ANKH: variants seen among roughly 807,000 people sequenced by gnomAD.
ANKH encodes the protein mineralization regulator ANKH.
ANKH carries 15 observed loss-of-function variants against 49.0 expected under a neutral mutation model. The observed-to-expected ratio is 0.31, with a 90% CI of 0.20 to 0.47. The LOEUF (loss-of-function observed/expected upper bound fraction) is 0.47. Ranked by LOEUF, ANKH falls within the 20% of genes least tolerant of loss-of-function variation. The pLI, the probability that ANKH is intolerant of heterozygous loss-of-function variation, is 1.00. For missense variants in ANKH, 429 were observed against 652.0 expected (o/e 0.66, Z 3.72); for synonymous variants, 273 against 260.0 (o/e 1.05, Z -0.48).
chr5:14,853,658 T>C (rs958728350), intron 1 of ANKH, among the ~76,000 whole-genome samples: 1 of 151,852 alleles, frequency 6.6e-6, no homozygotes, highest in Non-Finnish European at 1.5e-5. Flanking sequence ...GATGTGTGGG[T>C]TTTTTTTGTT....
At chr5:14,731,789 A>G (rs1462073017) in intron 8 of ANKH, among the ~76,000 whole-genome samples, 1 of 152,230 alleles carries the variant, frequency 6.6e-6, no homozygotes, top group Admixed American at 6.5e-5. Context: ...AAGCAGGTAT[A>G]GCCTTAGGCT....
intron 1 of ANKH, among the ~76,000 whole-genome samples, chr5:14,809,643 G>C (rs1213686300): frequency 1.3e-5 from 2 of 152,138 alleles, no homozygotes; most frequent in Middle Eastern, 3.2e-3. Flanking sequence ...ACTGTTCATG[G>C]GATGAAATGA....
At chr5:14,847,156 T>C (rs963131035) in intron 1 of ANKH, among the ~76,000 whole-genome samples, 1 of 152,134 alleles carries the variant, frequency 6.6e-6, no homozygotes, top group African/African-American at 2.4e-5. Flanking sequence ...AAAGACACAG[T>C]GGCTGGTTAA....
intron 1 of ANKH, among the ~76,000 whole-genome samples, chr5:14,801,691 C>G (rs1046456391): frequency 9.8e-5 from 15 of 152,322 alleles, no homozygotes; most frequent in Admixed American, 5.9e-4. Context: ...GACATCACCT[C>G]TACTGTGACA....
intron 4 of ANKH, 67 bp from the exon 5 acceptor site, chr5:14,751,306 GGCACGCT>G: frequency 6.6e-7 from 1 of 1,525,298 alleles, no homozygotes; most frequent in South Asian, 1.1e-5. Context: ...GAAGCACAGG[GGCACGCT>G]CTTGAACCTG....
At chr5:14,749,918 C>G (rs536572363) in intron 5 of ANKH, among the ~76,000 whole-genome samples, 135 of 152,320 alleles carry the variant, frequency 8.9e-4, no homozygotes, top group Admixed American at 2.0e-3. Context: ...TAAAGCCTGG[C>G]TTTCATTATG....
intron 1 of ANKH, among the ~76,000 whole-genome samples, chr5:14,839,508 T>TAA (rs56407443): frequency 8.0e-4 from 113 of 141,378 alleles, no homozygotes; most frequent in South Asian, 4.3e-3. Context: ...TCTTATCAGT[T>TAA]AAAAAAAAAA....
intron 1 of ANKH, among the ~76,000 whole-genome samples, chr5:14,833,117 T>C (rs1741550375): frequency 6.6e-6 from 1 of 152,232 alleles, no homozygotes; most frequent in Non-Finnish European, 1.5e-5. Context: ...AGAACCACTC[T>C]AGGCATGATG....
intron 8 of ANKH, 53 bp downstream of exon 8, chr5:14,741,774 C>T (rs966889573): frequency 1.4e-6 from 2 of 1,379,482 alleles, no homozygotes; most frequent in East Asian, 4.6e-5. Context: ...AGCAACTTGC[C>T]CCTTTACAAA....
At chr5:14,806,816 T>C (rs1740722206) in intron 1 of ANKH, among the ~76,000 whole-genome samples, 2 of 152,262 alleles carry the variant, frequency 1.3e-5, no homozygotes, top group African/African-American at 4.8e-5. Flanking sequence ...CTGATGCCTA[T>C]GCAGTCACAA....
chr5:14,740,494 T>C (rs942958052), intron 8 of ANKH, among the ~76,000 whole-genome samples: 8 of 152,054 alleles, frequency 5.3e-5, no homozygotes, highest in African/African-American at 1.9e-4. Flanking sequence ...AGTGAGGCAG[T>C]GCTGGAATAG....
At chr5:14,718,590 G>C (rs1737560816) in intron 8 of ANKH, among the ~76,000 whole-genome samples, 1 of 152,022 alleles carries the variant, frequency 6.6e-6, no homozygotes, top group African/African-American at 2.4e-5. Flanking sequence ...GCGGGCGGAT[G>C]ACCTGATGTC....
At chr5:14,815,728 T>C (rs1741015176) in intron 1 of ANKH, among the ~76,000 whole-genome samples, 1 of 152,124 alleles carries the variant, frequency 6.6e-6, no homozygotes, top group South Asian at 2.1e-4. Context: ...AATGTATACA[T>C]ACAAAGACAG....
intron 1 of ANKH, among the ~76,000 whole-genome samples, chr5:14,789,801 C>T (rs1740104031): frequency 6.6e-6 from 1 of 152,150 alleles, no homozygotes; most frequent in African/African-American, 2.4e-5. Context: ...ACCTCCGATT[C>T]CCGGGCTCAA....
chr5:14,759,256 T>C (rs1400697214), intron 2 of ANKH, among the ~76,000 whole-genome samples: 1 of 152,150 alleles, frequency 6.6e-6, no homozygotes, highest in Non-Finnish European at 1.5e-5. Flanking sequence ...CCTTCCAATA[T>C]CAGAATTTGT....
Position 14,749,045 on chromosome 5 carries a change from T to C in ANKH, c.822+127A>G, listed in dbSNP as rs1264635282. The C allele has an allele frequency of 3.0e-6, 4 of 1,346,108 alleles. No individual in the cohort carries two copies. The East Asian group carries it at 9.4e-5, about 32-fold the overall frequency. 83.4% of individuals were successfully genotyped at this position (1,346,108 alleles called of 1,614,324 possible). ...GAACGAGATCTTTATGGCTTCCTAG[T>C]GTGACTGTCATGTAATTTAATATTG... On this transcript the variant is annotated intron_variant, in intron 6 of 11. Coordinates refer to ENST00000284268, the MANE Select transcript of ANKH (RefSeq NM_054027.6).
At chr5:14,795,357 T>C (rs78306524) in intron 1 of ANKH, among the ~76,000 whole-genome samples, 6,641 of 152,164 alleles carry the variant, frequency 0.044, 261 homozygotes, top group African/African-American at 0.097. Context: ...GGAAAAAAAA[T>C]AGATGCAGCT....
At position 14,768,982 on chromosome 5, in the gene ANKH, T is replaced by C. The variant is rs762864512; in HGVS notation, c.306A>G (p.Thr102=). The C allele has an allele frequency of 1.2e-6, 2 of 1,614,062 alleles. No homozygotes were observed. Among genetic ancestry groups the C allele is most frequent in the African/African-American group, 2.7e-5 (2 of 74,922 alleles). The change falls in exon 2 of 12, where the codon ACA becomes ACG. Residue 102 remains threonine, a synonymous_variant. Coordinates refer to ENST00000284268, the MANE Select transcript of ANKH (RefSeq NM_054027.6). Reference sequence around the variant, plus strand: ...GGCGGTCGGCGGCCTCACCTATCAGTGTGTGAAAGACGGCAGCGATGGCCC... The same window carrying C: ...GGCGGTCGGCGGCCTCACCTATCAGCGTGTGAAAGACGGCAGCGATGGCCC... ...VAGAIAAVFH[T]LIAYSDLGYY...
chr5:14,862,764 G>C (rs1735534417), intron 1 of ANKH, among the ~76,000 whole-genome samples: 1 of 152,160 alleles, frequency 6.6e-6, no homozygotes. Flanking sequence ...TTCTTAACCA[G>C]GATCTAAACA....
Sources: gnomAD v4.1 joint callset for allele counts (sites outside exome capture counted in the v4.1 genomes callset) on GRCh38, gnomAD v4.1.1 for gene constraint, MANE v1.5 for transcripts, NCBI Gene and HGNC (gene_info 2026-07-23, HGNC 2026-07-21) for gene names.